NUP133: variants seen among roughly 807,000 people sequenced by gnomAD.
NUP133 encodes nucleoporin 133, also known as nuclear pore complex protein Nup133.
A neutral mutation model predicts 146.2 loss-of-function variants in NUP133; 66 were observed. That is an observed-to-expected ratio of 0.45 (90% CI 0.37 to 0.55). The LOEUF is 0.55. Ranked by LOEUF, NUP133 falls within the 20% of genes least tolerant of loss-of-function variation. The pLI is 0.00. For missense variants in NUP133, 1,277 were observed against 1,374.8 expected (o/e 0.93, Z 1.12); for synonymous variants, 521 against 498.8 (o/e 1.04, Z -0.59).
At chr1:229,461,365 G>A (rs542811581) in intron 19 of NUP133, among the ~76,000 whole-genome samples, 2 of 152,302 alleles carry the variant, frequency 1.3e-5, no homozygotes, top group Admixed American at 6.5e-5. Context: ...AGACCAAGAC[G>A]TTCTACAGTC....
intron 15 of NUP133, among the ~76,000 whole-genome samples, chr1:229,468,115 G>A (rs568895472): frequency 2.0e-5 from 3 of 152,230 alleles, no homozygotes; most frequent in Non-Finnish European, 2.9e-5. Flanking sequence ...GCCCTGGGAG[G>A]TACAAGGCCT....
In NUP133 at chr1:229,486,456, G is replaced by C. The variant is rs768310952; in HGVS notation, c.1415C>G (p.Ser472Cys). The C allele has an allele frequency of 5.0e-6, 8 of 1,611,030 alleles. No homozygotes were observed. The highest frequency in any genetic ancestry group is 4.4e-5 in the South Asian group (4 of 90,464). The change falls in exon 11 of 26, where the codon TCT becomes TGT. Residue 472 changes from serine (S) to cysteine (C), a missense_variant. Ser to Cys is a moderately radical substitution (Grantham distance 112). Around this residue, in one of 3 missense-constraint regions of NUP133, gnomAD observed 952 missense variants for 1,047.0 expected, o/e 0.91. Transcript: ENST00000261396. ...AGACACATTTTCCCTTGAAGTAATAGACACCAGTCCACTGTTTCTAGAAAA... is the reference window on the plus strand; with the variant it reads ...AGACACATTTTCCCTTGAAGTAATACACACCAGTCCACTGTTTCTAGAAAA... The part of the protein sequence containing the change: ...IIFSRNSGLV[S>C]ITSRENVSIL...
At chr1:229,442,787 CCT>C (rs1388700193) in intron 25 of NUP133, among the ~76,000 whole-genome samples, 1 of 150,718 alleles carries the variant, frequency 6.6e-6, no homozygotes, top group Non-Finnish European at 1.5e-5. Context: ...CTCACAGCAA[CCT>C]CTGCCTTCTG....
chr1:229,472,707 C>CATACATACATATAT lies in NUP133; in HGVS notation c.1852-1904_1852-1903insATATATGTATGTAT, dbSNP rs58951309. Among the ~76,000 whole-genome samples, 322 of 124,300 alleles carry CATACATACATATAT rather than the reference C, an allele frequency of 2.6e-3. 7 individuals are homozygous for CATACATACATATAT. The highest frequency in any genetic ancestry group is 8.3e-3 in the African/African-American group (266 of 31,974). The allele number at this position is 124,300 out of a possible 152,430, so 81.5% of individuals were successfully genotyped here. A position where few individuals can be genotyped will look rare whatever the true frequency, so the allele number is the denominator to read the frequency against. ...CAAAAAAATTAAAAAACTAAATATA[C>CATACATACATATAT]ATATATATATATATATATATGTACA... On this transcript the variant is annotated intron_variant, in intron 14 of 25. Transcript: ENST00000261396.
At chr1:229,493,626 G>C (rs1170568388) in intron 8 of NUP133, among the ~76,000 whole-genome samples, 1 of 152,194 alleles carries the variant, frequency 6.6e-6, no homozygotes, top group Admixed American at 6.5e-5. Context: ...TTCTGATCAT[G>C]AGGCCTCAAG....
rs1312225524 is a variant in NUP133, at chr1:229,441,134, C to G, written c.*770G>C. ...GAAAACCTATAATGGTTTCTAGTATCATTCATGCTTTTGACTAGCTAGGCA... is the reference window on the plus strand; with the variant it reads ...GAAAACCTATAATGGTTTCTAGTATGATTCATGCTTTTGACTAGCTAGGCA... On this transcript the variant is annotated 3_prime_UTR_variant, in exon 26 of 26. Coordinates refer to ENST00000261396, the MANE Select transcript of NUP133 (RefSeq NM_018230.3). 1.6e-5 allele frequency: 5 copies of G among 309,818 alleles called. No individual in the cohort carries two copies. Among genetic ancestry groups the G allele is most frequent in the African/African-American group, 2.2e-5 (1 of 46,162 alleles). The allele number at this position is 309,818 out of a possible 1,614,324, so 19.2% of individuals were successfully genotyped here.
At chr1:229,457,071 CCCA>C (rs1369928808) in intron 21 of NUP133, among the ~76,000 whole-genome samples, 1 of 152,098 alleles carries the variant, frequency 6.6e-6, no homozygotes, top group Non-Finnish European at 1.5e-5. Context: ...AAGCAATCCT[CCCA>C]CGTCAGCCTC....
chr1:229,447,261 G>A (rs1660321966), intron 24 of NUP133, among the ~76,000 whole-genome samples: 1 of 152,100 alleles, frequency 6.6e-6, no homozygotes, highest in Admixed American at 6.5e-5. Flanking sequence ...TATTAAAATA[G>A]AGAAGACCAA....
At chr1:229,456,358 T>C (rs901575727) in intron 21 of NUP133, among the ~76,000 whole-genome samples, 1 of 152,228 alleles carries the variant, frequency 6.6e-6, no homozygotes, top group Non-Finnish European at 1.5e-5. Context: ...CATTTATTAG[T>C]TGGCATTCTC....
At position 229,508,155 on chromosome 1, in the gene NUP133, G is replaced by A; in HGVS notation, c.95C>T (p.Ala32Val). 6.3e-7 allele frequency: 1 copy of A among 1,594,812 alleles called. No individual in the cohort carries two copies. The highest frequency in any genetic ancestry group is 8.5e-7 in the Non-Finnish European group (1 of 1,172,196). Residue 32 changes from alanine to valine, a missense_variant, in exon 1 of 26, where the codon GCT becomes GTT. By Grantham distance (64) the Ala-to-Val change is moderately conservative. Around this residue, in one of 3 missense-constraint regions of NUP133, gnomAD observed 319 missense variants for 306.9 expected, o/e 1.04. Transcript: ENST00000261396. ...CCCCAGGGGCAGACCCTTCCTGCTAGCCGTCCGGGGCGTGGAGCCGGGCCC... is the reference window on the plus strand; with the variant it reads ...CCCCAGGGGCAGACCCTTCCTGCTAACCGTCCGGGGCGTGGAGCCGGGCCC... ...GLGPGSTPRT[A>V]SRKGLPLGSA...
chr1:229,460,583 A>C, intron 20 of NUP133, 28 bp downstream of exon 20: 2 of 1,605,388 alleles, frequency 1.2e-6, no homozygotes, highest in Middle Eastern at 1.7e-4. Context: ...AATTGCACAC[A>C]TCTGCTCCAT....
chr1:229,477,238 G>A (rs944314766), intron 13 of NUP133, among the ~76,000 whole-genome samples: 1 of 152,018 alleles, frequency 6.6e-6, no homozygotes, highest in African/African-American at 2.4e-5. Flanking sequence ...AGGAGATCAA[G>A]ACCAACCTGG....
At chr1:229,487,720 T>C (rs1571932017) in intron 9 of NUP133, 107 bp from the exon 10 acceptor site, 4 of 883,306 alleles carry the variant, frequency 4.5e-6, no homozygotes, top group East Asian at 5.3e-5. Context: ...ATTTCACCAA[T>C]TCTCTTTGTA....
chr1:229,459,366 A>T (rs1192013196), intron 20 of NUP133, among the ~76,000 whole-genome samples: 2 of 152,174 alleles, frequency 1.3e-5, no homozygotes, highest in African/African-American at 4.8e-5. Context: ...CTAAAAAAAC[A>T]AAAATAAAAA....
chr1:229,458,848 T>A (rs1019710443), intron 20 of NUP133, among the ~76,000 whole-genome samples: 4 of 151,996 alleles, frequency 2.6e-5, no homozygotes, highest in Admixed American at 6.6e-5. Context: ...TAGCTGGGAT[T>A]ACAGGCATGA....
At chr1:229,460,500 C>T (rs1660669346) in intron 20 of NUP133, 111 bp downstream of exon 20, 2 of 1,071,962 alleles carry the variant, frequency 1.9e-6, no homozygotes, top group Non-Finnish European at 2.6e-6. Flanking sequence ...TGGATAGTAA[C>T]CCCTTCTCAG....
intron 7 of NUP133, 32 bp from the exon 8 acceptor site, chr1:229,495,597 C>CA (rs1661636778): frequency 6.8e-7 from 1 of 1,463,002 alleles, no homozygotes; most frequent in Admixed American, 1.7e-5. Flanking sequence ...GTAAGCTTCT[C>CA]AAGTGCAGGA....
At chr1:229,482,916 T>A (rs1661253582) in intron 12 of NUP133, among the ~76,000 whole-genome samples, 1 of 152,152 alleles carries the variant, frequency 6.6e-6, no homozygotes, top group African/African-American at 2.4e-5. Context: ...CCCAGAAATG[T>A]GAGTACGGTA....
At chr1:229,475,976 C>T (rs1330804756) in intron 13 of NUP133, among the ~76,000 whole-genome samples, 2 of 151,948 alleles carry the variant, frequency 1.3e-5, no homozygotes, top group Non-Finnish European at 2.9e-5. Context: ...AGCGTGGTGG[C>T]GCATGCCTGT....
Sources: allele counts gnomAD v4.1 joint callset (sites outside exome capture counted in the v4.1 genomes callset), GRCh38; gene constraint gnomAD v4.1.1; regional missense constraint gnomAD v4.1.1; transcripts MANE v1.5; gene names NCBI Gene and HGNC (gene_info 2026-07-23, HGNC 2026-07-21).